DNAJC6: variants seen among roughly 807,000 people sequenced by gnomAD.
DNAJC6 encodes auxilin.
Under a neutral mutation model 110.0 loss-of-function variants are expected in DNAJC6, and 34 were observed. The observed-to-expected ratio is 0.31, with a 90% confidence interval of 0.24 to 0.41. The LOEUF (loss-of-function observed/expected upper bound fraction) is 0.41, where lower values mean the gene tolerates loss of function less well. Among genes scored for constraint, DNAJC6 ranks in the 10% least tolerant of loss-of-function variants. The pLI, the probability that DNAJC6 is intolerant of heterozygous loss-of-function variation, is 1.00. For synonymous variants in DNAJC6, 406 were observed against 437.2 expected, an observed-to-expected ratio of 0.93 and a Z score of 0.89; for missense variants, 1,031 against 1,207.8, an observed-to-expected ratio of 0.85 and a Z score of 2.17.
intron 17 of DNAJC6, among the ~76,000 whole-genome samples, chr1:65,409,906 A>C (rs1390295653): frequency 6.6e-6 from 1 of 152,182 alleles, no homozygotes; most frequent in Non-Finnish European, 1.5e-5. Flanking sequence ...TTAAGTTTGC[A>C]ATTCAGCGAA....
At chr1:65,327,919 T>G (rs1424614832) in intron 1 of DNAJC6, among the ~76,000 whole-genome samples, 2 of 152,224 alleles carry the variant, frequency 1.3e-5, no homozygotes, top group Admixed American at 1.3e-4. Context: ...CTCACCATGT[T>G]GCCCAGTCTG....
At chr1:65,318,229 CT>C (rs750363907) in intron 1 of DNAJC6, among the ~76,000 whole-genome samples, 3 of 152,040 alleles carry the variant, frequency 2.0e-5, no homozygotes, top group Non-Finnish European at 4.4e-5. Flanking sequence ...TTTTAATTGC[CT>C]TTAAAAATCA....
chr1:65,266,955 G>C (rs2101147816), intron 1 of DNAJC6, among the ~76,000 whole-genome samples: 1 of 150,966 alleles, frequency 6.6e-6, no homozygotes, highest in African/African-American at 2.4e-5. Flanking sequence ...GGAGTGCAAT[G>C]GTGCGATCTC....
chr1:65,301,918 AC>A (rs1644982753), intron 1 of DNAJC6, among the ~76,000 whole-genome samples: 1 of 151,520 alleles, frequency 6.6e-6, no homozygotes, highest in Non-Finnish European at 1.5e-5. Flanking sequence ...GGGTCTTATG[AC>A]CCACAATCAG....
chr1:65,325,898 A>G (rs771986994), intron 1 of DNAJC6, among the ~76,000 whole-genome samples: 2 of 152,234 alleles, frequency 1.3e-5, no homozygotes, highest in African/African-American at 2.4e-5. Context: ...TTATAACACA[A>G]TGGTAAGTAT....
At chr1:65,355,631 A>C (rs1431283785) in intron 1 of DNAJC6, among the ~76,000 whole-genome samples, 16 of 152,326 alleles carry the variant, frequency 1.1e-4, no homozygotes, top group South Asian at 2.1e-4. Context: ...AGTGAACCTG[A>C]ATATTAGTCC....
chr1:65,367,348 T>C (rs1242685210), intron 4 of DNAJC6, among the ~76,000 whole-genome samples: 1 of 152,244 alleles, frequency 6.6e-6, no homozygotes, highest in East Asian at 1.9e-4. Flanking sequence ...ATTGCCATTC[T>C]ATAATGAAGA....
intron 1 of DNAJC6, among the ~76,000 whole-genome samples, chr1:65,271,258 G>C (rs1423413279): frequency 6.6e-6 from 1 of 151,992 alleles, no homozygotes; most frequent in Non-Finnish European, 1.5e-5. Flanking sequence ...TCATTTCTTT[G>C]TGATGAGAAC....
intron 1 of DNAJC6, among the ~76,000 whole-genome samples, chr1:65,274,267 A>G (rs1247093202): frequency 6.6e-6 from 1 of 152,004 alleles, no homozygotes; most frequent in Non-Finnish European, 1.5e-5. Context: ...CTTTGTGTTA[A>G]TAGATACATG....
rs1645938953 is a variant in DNAJC6 at position 65,392,607 on chromosome 1, C to T, written c.1645C>T (p.Pro549Ser). The T allele has an allele frequency of 6.2e-7, 1 of 1,613,966 alleles. No individual in the cohort carries two copies. The change falls in exon 12 of 19, where the codon CCA (proline) becomes TCA (serine). Residue 549 changes from proline (P) to serine (S), a missense_variant. Pro to Ser is a moderately conservative substitution (Grantham distance 74). Coordinates refer to ENST00000371069, the MANE Select transcript of DNAJC6 (RefSeq NM_001256864.2). ...SKKQQEPAAP[P>S]PPEDVDLLGL... is the part of the protein sequence containing the mutation. The stretch of plus-strand genomic sequence containing the variant: ...AAAGCAGCAGGAGCCAGCAGCCCCT[C>T]CACCCCCTGAGGATGTGGACCTTTT...
upstream of DNAJC6, chr1:65,306,632 G>A (rs10789179): frequency 0.58 from 87,947 of 151,888 alleles, 25,960 homozygotes; most frequent in East Asian, 0.79. Context: ...GCTGTCCCCA[G>A]AAGAGGGCAT....
At chr1:65,269,916 G>A (rs1653452149) in intron 1 of DNAJC6, among the ~76,000 whole-genome samples, 1 of 152,186 alleles carries the variant, frequency 6.6e-6, no homozygotes, top group African/African-American at 2.4e-5. Context: ...ATTCAATGAT[G>A]AATTAGCTCA....
chr1:65,379,529 G>A lies in DNAJC6; in HGVS notation c.666+5G>A. 1 of 1,613,814 alleles carries A rather than the reference G, an allele frequency of 6.2e-7. No homozygotes were observed. Among genetic ancestry groups the A allele is most frequent in the Non-Finnish European group, 8.5e-7 (1 of 1,179,830 alleles). ...GTCTGTGTTGTCCACTGCTTGGTGAGTAACCTTTTGTTGTTGGTGGTGATG... is the reference window on the plus strand; with the variant it reads ...GTCTGTGTTGTCCACTGCTTGGTGAATAACCTTTTGTTGTTGGTGGTGATG... On this transcript the variant is annotated splice_donor_5th_base_variant and intron_variant, in intron 5 of 18. Coordinates refer to ENST00000371069, the MANE Select transcript of DNAJC6 (RefSeq NM_001256864.2).
intron 1 of DNAJC6, among the ~76,000 whole-genome samples, chr1:65,357,945 G>A (rs1249091222): frequency 6.6e-6 from 1 of 152,104 alleles, no homozygotes; most frequent in Non-Finnish European, 1.5e-5. Context: ...TTGGGAGGCC[G>A]AGGCTGGCGG....
chr1:65,407,694 A>G (rs1323492855), intron 16 of DNAJC6, among the ~76,000 whole-genome samples: 1 of 152,214 alleles, frequency 6.6e-6, no homozygotes, highest in Non-Finnish European at 1.5e-5. Flanking sequence ...AGTGACTTCA[A>G]TCAGCAAATA....
intron 8 of DNAJC6, among the ~76,000 whole-genome samples, chr1:65,387,652 T>C (rs911947546): frequency 6.6e-6 from 1 of 152,236 alleles, no homozygotes; most frequent in African/African-American, 2.4e-5. Flanking sequence ...CCAAATATTA[T>C]TCCATTGTAA....
chr1:65,388,952 G>C (rs1394122148), intron 9 of DNAJC6, among the ~76,000 whole-genome samples: 1 of 152,188 alleles, frequency 6.6e-6, no homozygotes, highest in Non-Finnish European at 1.5e-5. Context: ...GACAGTGGCT[G>C]TGGGCCTATT....
intron 9 of DNAJC6, 21 bp from the exon 10 acceptor site, chr1:65,389,235 C>CT (rs1645901100): frequency 1.2e-6 from 2 of 1,603,008 alleles, no homozygotes; most frequent in African/African-American, 1.3e-5. Flanking sequence ...CTGAATTTAT[C>CT]TTTTTTAAAT....
At chr1:65,301,661 T>C (rs1644979843) in intron 1 of DNAJC6, among the ~76,000 whole-genome samples, 1 of 152,148 alleles carries the variant, frequency 6.6e-6, no homozygotes, top group African/African-American at 2.4e-5. Context: ...CCATGCCCTC[T>C]CTGGGTGCAC....
Sources: allele counts gnomAD v4.1 joint callset (sites outside exome capture counted in the v4.1 genomes callset), GRCh38; gene constraint gnomAD v4.1.1; transcripts MANE v1.5; gene names NCBI Gene and HGNC (gene_info 2026-07-23, HGNC 2026-07-21).